PCDHA3: variants seen among roughly 807,000 people sequenced by gnomAD.
The protein encoded by PCDHA3 is protocadherin alpha 3.
A neutral mutation model predicts 62.2 loss-of-function variants in PCDHA3; 41 were observed. The ratio of observed to expected loss-of-function variants is 0.66; its 90% CI spans 0.51 to 0.86. PCDHA3 has a LOEUF of 0.86. Among genes scored for constraint, PCDHA3 ranks in the 40% least tolerant of loss-of-function variants. The pLI is 0.00. For missense variants in PCDHA3, 1,304 were observed against 1,241.2 expected (o/e 1.05, Z -0.76); for synonymous variants, 640 against 555.4 (o/e 1.15, Z -2.14).
At position 140,928,256 on chromosome 5, in the gene PCDHA3, CT is replaced by C. The variant is rs1563103175; in HGVS notation, c.2395-50692del. 2.5e-6 allele frequency: 4 copies of C among 1,614,234 alleles called. No homozygotes were observed. The Admixed American group carries it at 6.7e-5, about 27-fold the overall frequency. On this transcript the variant is annotated intron_variant, in intron 1 of 3. Transcript: ENST00000522353. ...CAACCCCAGCAGGAACTTTTCGTTG[CT>C]GAAAACAATGGCCCTGGGGCCTCTC... is the stretch of plus-strand genomic sequence containing the variant.
chr5:140,856,871 G>T, intron 1 of PCDHA3: 1 of 1,595,048 alleles, frequency 6.3e-7, no homozygotes, highest in Non-Finnish European at 8.6e-7. Flanking sequence ...AATAAACAAG[G>T]AAATGATGTA....
intron 1 of PCDHA3, among the ~76,000 whole-genome samples, chr5:140,914,826 CA>C: frequency 6.6e-6 from 1 of 151,812 alleles, no homozygotes; most frequent in East Asian, 1.9e-4. Context: ...ACTGCATAAA[CA>C]AAAAACAAAC....
At position 140,801,363 on chromosome 5, in the gene PCDHA3, C is replaced by A; in HGVS notation, c.166C>A (p.Leu56Met). ...CATCGCGCAGGACCTGGGGCTGGAG[C>A]TGGCGGAGCTGGTGCCGCGCCTGTT... The part of the protein sequence containing the change: ...GRIAQDLGLE[L>M]AELVPRLFRV... Residue 56 changes from leucine to methionine, a missense_variant, in exon 1 of 4, where the codon CTG (leucine) becomes ATG (methionine). Physicochemically the swap from Leu to Met is conservative, Grantham distance 15. Transcript: ENST00000522353. 1.9e-6 allele frequency: 3 copies of A among 1,613,452 alleles called. No individual in the cohort carries two copies. The highest frequency in any genetic ancestry group is 2.5e-6 in the Non-Finnish European group (3 of 1,179,938).
intron 1 of PCDHA3, among the ~76,000 whole-genome samples, chr5:140,839,682 A>AT (rs1213854043): frequency 2.0e-5 from 3 of 152,030 alleles, no homozygotes; most frequent in Non-Finnish European, 4.4e-5. Flanking sequence ...AACTACAGAG[A>AT]TTTTTTTGGG....
chr5:140,877,831 C>T (rs1226856696), intron 1 of PCDHA3: 5 of 1,592,698 alleles, frequency 3.1e-6, no homozygotes, highest in Non-Finnish European at 4.3e-6. Context: ...TTTAAATCCT[C>T]CCAGTGAAGT....
At position 140,801,078 on chromosome 5, in the gene PCDHA3, T is replaced by G. The variant is rs1762636638; in HGVS notation, c.-120T>G. On this transcript the variant is annotated 5_prime_UTR_variant, in exon 1 of 4. Coordinates refer to ENST00000522353, the MANE Select transcript of PCDHA3 (RefSeq NM_018906.3). ...GTGCATTACGTATTCAGATACTGCT[T>G]TGCTTCATCCTCTCTAAAATTTAAC... 2 of 1,478,150 alleles carry G rather than the reference T, an allele frequency of 1.4e-6. No individual in the cohort carries two copies. Among genetic ancestry groups the G allele is most frequent in the Non-Finnish European group, 1.8e-6 (2 of 1,121,172 alleles). 91.6% of individuals were successfully genotyped at this position (1,478,150 alleles called of 1,614,324 possible). A position where few individuals can be genotyped will look rare whatever the true frequency, so the allele number is the denominator to read the frequency against.
At chr5:140,852,576 T>G in intron 1 of PCDHA3, 1 of 821,650 alleles carries the variant, frequency 1.2e-6, no homozygotes, top group Non-Finnish European at 1.5e-6. Flanking sequence ...GTGCCAAGGC[T>G]TTTTTATTTT....
chr5:140,802,995 G>T lies in PCDHA3; in HGVS notation c.1798G>T (p.Asp600Tyr), dbSNP rs1562190625. The change falls in exon 1 of 4, where the codon GAC (aspartate) becomes TAC (tyrosine). Residue 600 changes from aspartate (D) to tyrosine (Y), a missense_variant. Physicochemically the swap from Asp to Tyr is radical, Grantham distance 160. Coordinates refer to ENST00000522353, the MANE Select transcript of PCDHA3 (RefSeq NM_018906.3). ...VVAKVRAVDADSGYNAWLSYE... is the reference protein window; with the variant it reads ...VVAKVRAVDAYSGYNAWLSYE... ...AGCGAAGGTGCGCGCAGTGGATGCA[G>T]ACTCAGGCTACAACGCGTGGCTTTC... 1.2e-6 allele frequency: 2 copies of T among 1,614,060 alleles called. No homozygotes were observed. Among genetic ancestry groups the T allele is most frequent in the East Asian group, 4.5e-5 (2 of 44,876 alleles).
At chr5:140,982,816 G>A (rs970352633) in intron 3 of PCDHA3, among the ~76,000 whole-genome samples, 9 of 151,630 alleles carry the variant, frequency 5.9e-5, no homozygotes, top group Non-Finnish European at 1.0e-4. Flanking sequence ...TGTGTATGAA[G>A]TTTTTGGGGT....
chr5:140,948,158 A>C lies in PCDHA3; in HGVS notation c.2395-30791A>C, dbSNP rs191151506. On this transcript the variant is annotated intron_variant, in intron 1 of 3. Transcript: ENST00000522353. The stretch of plus-strand genomic sequence containing the variant: ...TAATTGATTTTTGAATGTTGGAAAA[A>C]ACCTTCCATTCCTAGGGTAAATCCC... Among the ~76,000 whole-genome samples the C allele has an allele frequency of 2.8e-3, 418 of 151,676 alleles. 1 individual carries two copies. The highest frequency in any genetic ancestry group is 0.014 in the Middle Eastern group (4 of 294).
intron 1 of PCDHA3, chr5:140,822,913 G>A (rs2150120291): frequency 6.2e-7 from 1 of 1,614,254 alleles, no homozygotes; most frequent in Non-Finnish European, 8.5e-7. Context: ...TGACTCAGGT[G>A]CCAACGGGCA....
In PCDHA3 at chr5:140,801,494, C is replaced by A; in HGVS notation, c.297C>A (p.Ser99Arg). Reference protein sequence around the residue: ...RIDREELCGRSAECSIHLEVI... With the variant: ...RIDREELCGRRAECSIHLEVI... ...ACCGCGAGGAACTGTGCGGGCGGAG[C>A]GCGGAGTGCAGCATCCACCTGGAGG... The change falls in exon 1 of 4, where the codon AGC (serine) becomes AGA (arginine). Residue 99 changes from serine (S) to arginine (R), a missense_variant. Physicochemically the swap from Ser to Arg is moderately radical, Grantham distance 110. Transcript: ENST00000522353. 1 of 1,614,120 alleles carries A rather than the reference C, an allele frequency of 6.2e-7. No individual in the cohort carries two copies. Among genetic ancestry groups the A allele is most frequent in the South Asian group, 1.1e-5 (1 of 91,082 alleles).
At chr5:140,803,688 T>A in intron 1 of PCDHA3, 97 bp downstream of exon 1, 1 of 1,554,080 alleles carries the variant, frequency 6.4e-7, no homozygotes, top group South Asian at 1.2e-5. Context: ...AAGTATGAAT[T>A]ATGTGATTCA....
chr5:140,995,113 A>G (rs560699104), intron 3 of PCDHA3, among the ~76,000 whole-genome samples: 68 of 152,252 alleles, frequency 4.5e-4, no homozygotes, highest in Non-Finnish European at 8.4e-4. Flanking sequence ...CAAGACCCTC[A>G]GTGGATGCCT....
intron 1 of PCDHA3, among the ~76,000 whole-genome samples, chr5:140,833,058 A>G (rs2150205885): frequency 6.6e-6 from 1 of 152,354 alleles, no homozygotes; most frequent in Non-Finnish European, 1.5e-5. Context: ...AAGTAATATG[A>G]GAAAAACCTT....
intron 1 of PCDHA3, among the ~76,000 whole-genome samples, chr5:140,955,446 A>G (rs574900327): frequency 6.6e-6 from 1 of 152,194 alleles, no homozygotes; most frequent in Non-Finnish European, 1.5e-5. Context: ...TGATGGTTTT[A>G]TAAGGGCTTT....
chr5:140,841,773 G>C (rs1292935559), intron 1 of PCDHA3: 2 of 1,613,894 alleles, frequency 1.2e-6, no homozygotes, highest in East Asian at 4.5e-5. Flanking sequence ...CCAGACTCTC[G>C]GTTTCCGCTA....
At position 140,849,933 on chromosome 5, in the gene PCDHA3, C is replaced by G. The variant is rs2150458258; in HGVS notation, c.2394+46342C>G. Reference sequence around the variant, plus strand: ...CTGCCACATCTTCACGGTGTCTGCGCGGGACGCTGACGCGCAGGAGAACGC... The same window carrying G: ...CTGCCACATCTTCACGGTGTCTGCGGGGGACGCTGACGCGCAGGAGAACGC... On this transcript the variant is annotated intron_variant, in intron 1 of 3. Transcript: ENST00000522353. 8.1e-6 allele frequency: 13 copies of G among 1,598,002 alleles called. 1 individual carries two copies. In the African/African-American group the frequency reaches 1.2e-4, roughly 15 times the overall value.
intron 1 of PCDHA3, chr5:140,850,536 C>A (rs1342459599): frequency 1.9e-6 from 3 of 1,598,178 alleles, no homozygotes; most frequent in East Asian, 2.2e-5. Context: ...GTCATCGTCG[C>A]GGGCGTCAGT....
Sources: gnomAD v4.1 joint callset for allele counts (sites outside exome capture counted in the v4.1 genomes callset) on GRCh38, gnomAD v4.1.1 for gene constraint, MANE v1.5 for transcripts, NCBI Gene and HGNC (gene_info 2026-07-23, HGNC 2026-07-21) for gene names.